Variants in NDUFAF2 observed in about 807,000 individuals in gnomAD.
NDUFAF2 encodes the protein NADH:ubiquinone oxidoreductase complex assembly factor 2.
A neutral mutation model predicts 22.8 loss-of-function variants in NDUFAF2; 13 were observed. The observed-to-expected ratio is 0.57, with a 90% CI of 0.37 to 0.91. NDUFAF2 has a LOEUF of 0.91. NDUFAF2 is among the 40% of genes least tolerant of loss of function. NDUFAF2 has a pLI of 0.01. For missense variants in NDUFAF2, 162 were observed against 195.2 expected, an observed-to-expected ratio of 0.83 and a Z score of 1.01; for synonymous variants, 53 against 64.2, an observed-to-expected ratio of 0.83 and a Z score of 0.84.
chr5:61,076,869 A>T (rs919603472), intron 2 of NDUFAF2, among the ~76,000 whole-genome samples: 17 of 152,188 alleles, frequency 1.1e-4, no homozygotes, highest in African/African-American at 3.9e-4. Flanking sequence ...TGCATTCCGG[A>T]TCTGTGGTAA....
intron 3 of NDUFAF2, among the ~76,000 whole-genome samples, chr5:61,143,485 A>G (rs764847028): frequency 3.9e-5 from 6 of 152,168 alleles, no homozygotes; most frequent in Admixed American, 1.3e-4. Context: ...ATACTTTTAC[A>G]TCTTTATCTT....
chr5:61,072,696 A>G (rs1752314915), intron 1 of NDUFAF2, among the ~76,000 whole-genome samples: 1 of 152,072 alleles, frequency 6.6e-6, no homozygotes, highest in Non-Finnish European at 1.5e-5. Context: ...TCCCGGGCTC[A>G]AGTGATTCTC....
intron 2 of NDUFAF2, among the ~76,000 whole-genome samples, chr5:61,078,681 C>T (rs1752398934): frequency 6.6e-6 from 1 of 151,896 alleles, no homozygotes; most frequent in African/African-American, 2.4e-5. Flanking sequence ...GCAGAGGTTG[C>T]AGTGAGCTGA....
intron 2 of NDUFAF2, among the ~76,000 whole-genome samples, chr5:61,094,158 A>G (rs1309032294): frequency 2.0e-5 from 3 of 152,128 alleles, no homozygotes; most frequent in Non-Finnish European, 2.9e-5. Flanking sequence ...ATAATCCCAT[A>G]TTTCTCAGAG....
At chr5:61,120,792 C>T (rs1752965930) in intron 3 of NDUFAF2, among the ~76,000 whole-genome samples, 1 of 151,952 alleles carries the variant, frequency 6.6e-6, no homozygotes, top group South Asian at 2.1e-4. Context: ...GGGTTTAGAT[C>T]CAGAGTGAAA....
At chr5:61,043,697 GTGTGTA>G (rs1242484400) in intron 1 of NDUFAF2, among the ~76,000 whole-genome samples, 2 of 147,248 alleles carry the variant, frequency 1.4e-5, no homozygotes, top group South Asian at 4.3e-4. Flanking sequence ...GTGTGTGTGT[GTGTGTA>G]TGTGTGTGTG....
rs541216804 is a variant in NDUFAF2 at position 61,127,728 on chromosome 5, T to C, written c.259-24976T>C. On this transcript the variant is annotated intron_variant, in intron 3 of 3. Transcript: ENST00000296597. Reference sequence around the variant, plus strand: ...AACTGGAAGCATTCCCTTTGAAAACTGGCACAAGACAGGGATGCCTTCTCT... The same window carrying C: ...AACTGGAAGCATTCCCTTTGAAAACCGGCACAAGACAGGGATGCCTTCTCT... 3.6e-3 allele frequency among the ~76,000 whole-genome samples: 550 copies of C among 152,256 alleles called. 7 individuals carry two copies. Among genetic ancestry groups the C allele is most frequent in the African/African-American group, 0.013 (523 of 41,554 alleles).
At chr5:60,945,409 G>C (rs1044845999) in intron 1 of NDUFAF2, 27 bp downstream of exon 1, 4 of 1,614,088 alleles carry the variant, frequency 2.5e-6, no homozygotes, top group Admixed American at 1.7e-5. Flanking sequence ...GGCAGCGATT[G>C]CGTGGTCAGT....
At chr5:61,108,527 G>T (rs1752797153) in intron 3 of NDUFAF2, among the ~76,000 whole-genome samples, 2 of 151,336 alleles carry the variant, frequency 1.3e-5, no homozygotes, top group Non-Finnish European at 2.9e-5. Context: ...TATTTCTCAA[G>T]AAATCTTTGC....
chr5:60,995,568 G>A (rs944279347), intron 1 of NDUFAF2, among the ~76,000 whole-genome samples: 1 of 152,202 alleles, frequency 6.6e-6, no homozygotes, highest in African/African-American at 2.4e-5. Flanking sequence ...TCTAAAGCCA[G>A]GGGTGAAGTG....
At chr5:60,975,082 T>A (rs1369556679) in intron 1 of NDUFAF2, among the ~76,000 whole-genome samples, 1 of 152,190 alleles carries the variant, frequency 6.6e-6, no homozygotes, top group Admixed American at 6.5e-5. Flanking sequence ...GTGCTGGGAT[T>A]ATAGGTGTAA....
At chr5:61,065,427 A>G (rs1216505682) in intron 1 of NDUFAF2, among the ~76,000 whole-genome samples, 2 of 152,086 alleles carry the variant, frequency 1.3e-5, no homozygotes, top group African/African-American at 4.8e-5. Flanking sequence ...TCTGATGAAC[A>G]TTGGTGTAAA....
chr5:61,110,832 T>A (rs1240091251), intron 3 of NDUFAF2, among the ~76,000 whole-genome samples: 1 of 152,078 alleles, frequency 6.6e-6, no homozygotes, highest in Non-Finnish European at 1.5e-5. Flanking sequence ...TCTGCTTTGA[T>A]TTTTATTATT....
chr5:60,952,199 T>C (rs1253649686), intron 1 of NDUFAF2, among the ~76,000 whole-genome samples: 2 of 152,022 alleles, frequency 1.3e-5, no homozygotes, highest in African/African-American at 2.4e-5. Flanking sequence ...TTTTTTCCAT[T>C]GGTTTCAGAA....
intron 1 of NDUFAF2, among the ~76,000 whole-genome samples, chr5:60,964,231 T>C (rs1750725842): frequency 6.6e-6 from 1 of 152,176 alleles, no homozygotes. Context: ...AACCAAATGT[T>C]ACTGTTATAC....
At chr5:61,082,266 A>G (rs980987669) in intron 2 of NDUFAF2, among the ~76,000 whole-genome samples, 3 of 152,078 alleles carry the variant, frequency 2.0e-5, no homozygotes, top group African/African-American at 7.2e-5. Flanking sequence ...GTGTACATAT[A>G]TACTTTATTT....
intron 1 of NDUFAF2, among the ~76,000 whole-genome samples, chr5:60,954,293 A>G (rs1292085327): frequency 1.3e-5 from 2 of 152,192 alleles, no homozygotes. Flanking sequence ...TTGAAATTTG[A>G]ACTCATAGAT....
intron 1 of NDUFAF2, among the ~76,000 whole-genome samples, chr5:61,061,411 G>T: frequency 6.6e-6 from 1 of 151,446 alleles, no homozygotes; most frequent in Non-Finnish European, 1.5e-5. Flanking sequence ...TTAATTCCTG[G>T]GTTTTTCTCA....
chr5:61,022,793 T>C (rs6895498), intron 1 of NDUFAF2, among the ~76,000 whole-genome samples: 1,756 of 152,156 alleles, frequency 0.012, 43 homozygotes, highest in African/African-American at 0.04. Context: ...TACAGGCGCA[T>C]GCCACCACAC....
Sources: gnomAD v4.1 joint callset for allele counts (sites outside exome capture counted in the v4.1 genomes callset) on GRCh38, gnomAD v4.1.1 for gene constraint, MANE v1.5 for transcripts, NCBI Gene and HGNC (gene_info 2026-07-23, HGNC 2026-07-21) for gene names.